Variants in RIPOR2 observed in about 807,000 individuals in gnomAD.
RIPOR2 encodes RHO family interacting cell polarization regulator 2, also known as rho family-interacting cell polarization regulator 2.
In RIPOR2, 39 loss-of-function variants were observed where a neutral mutation model predicts 114.5. The ratio of observed to expected loss-of-function variants is 0.34; its 90% CI spans 0.26 to 0.44. RIPOR2 has a LOEUF of 0.44. Among genes scored for constraint, RIPOR2 ranks in the 20% least tolerant of loss-of-function variants. RIPOR2 has a pLI of 1.00. For missense variants in RIPOR2, 1,007 were observed against 1,255.1 expected (o/e 0.80, Z 2.99); for synonymous variants, 445 against 484.4 (o/e 0.92, Z 1.07).
intron 1 of RIPOR2, among the ~76,000 whole-genome samples, chr6:24,881,345 C>T (rs933840921): frequency 2.0e-5 from 3 of 152,124 alleles, no homozygotes; most frequent in Non-Finnish European, 4.4e-5. Context: ...GACTCAAATC[C>T]TAGGCAAACA....
Position 24,973,263 on chromosome 6 carries a change from A to G in RIPOR2, c.76+68588T>C, listed in dbSNP as rs143822456. Among the ~76,000 whole-genome samples the G allele has an allele frequency of 2.4e-3, 364 of 152,274 alleles. 1 individual carries two copies. Among genetic ancestry groups the G allele is most frequent in the African/African-American group, 8.1e-3 (336 of 41,544 alleles). ...GAAGATTCTCAAAGAATGTAGAACA[A>G]CATTCGACCCAGCAATCTCATTACT... On this transcript the variant is annotated intron_variant, in intron 1 of 13. Coordinates refer to the RIPOR2 transcript ENST00000510784.
intron 1 of RIPOR2, among the ~76,000 whole-genome samples, chr6:24,984,112 C>T (rs1038244777): frequency 2.0e-5 from 3 of 152,140 alleles, no homozygotes; most frequent in Non-Finnish European, 2.9e-5. Context: ...CAGCCCTGCA[C>T]TATTTACTTC....
At chr6:25,022,815 G>A (rs1205649510) in intron 1 of RIPOR2, among the ~76,000 whole-genome samples, 1 of 151,460 alleles carries the variant, frequency 6.6e-6, no homozygotes, top group African/African-American at 2.4e-5. Context: ...CAAAGTTTTG[G>A]GATTACAAAC....
Position 24,926,539 on chromosome 6 carries a change from T to C in RIPOR2, c.61+9299A>G, listed in dbSNP as rs938734432. Among the ~76,000 whole-genome samples the C allele has an allele frequency of 6.8e-4, 103 of 152,272 alleles. 1 individual carries two copies. Among genetic ancestry groups the C allele is most frequent in the African/African-American group, 2.3e-3 (95 of 41,538 alleles). On this transcript the variant is annotated intron_variant, in intron 1 of 21. Transcript: ENST00000643898. ...TCACATGGTGGAGATCAGATAGCAA[T>C]CAGGTTTGCTAATTCATGAGCCAGA...
intron 1 of RIPOR2, among the ~76,000 whole-genome samples, chr6:24,966,372 G>C (rs1007818983): frequency 6.6e-6 from 1 of 152,112 alleles, no homozygotes; most frequent in African/African-American, 2.4e-5. Context: ...GAATAGTATT[G>C]TGTTTCATCA....
chr6:24,958,081 C>T (rs891544295), intron 1 of RIPOR2, among the ~76,000 whole-genome samples: 19 of 151,758 alleles, frequency 1.3e-4, no homozygotes, highest in African/African-American at 4.6e-4. Flanking sequence ...AAAATATACA[C>T]AAAGATGTGT....
intron 3 of RIPOR2, 126 bp from the exon 4 acceptor site, chr6:24,873,085 G>T (rs1765375822): frequency 3.1e-6 from 2 of 648,086 alleles, no homozygotes; most frequent in Admixed American, 2.6e-5. Flanking sequence ...TGGGCAGGAG[G>T]CTTTGTATTT....
intron 1 of RIPOR2, among the ~76,000 whole-genome samples, chr6:24,886,878 T>C (rs1766883046): frequency 6.6e-6 from 1 of 152,228 alleles, no homozygotes; most frequent in South Asian, 2.1e-4. Context: ...AGTTTTAGCA[T>C]CCATTGATGT....
chr6:25,026,367 A>T (rs1776623537), intron 1 of RIPOR2, among the ~76,000 whole-genome samples: 1 of 152,206 alleles, frequency 6.6e-6, no homozygotes, highest in Non-Finnish European at 1.5e-5. Context: ...GGGATTTATG[A>T]TAAGTCACAT....
chr6:24,900,690 C>T (rs1016648253), intron 1 of RIPOR2, among the ~76,000 whole-genome samples: 6 of 152,100 alleles, frequency 3.9e-5, no homozygotes, highest in Non-Finnish European at 1.5e-5. Context: ...CCCAGGAGAT[C>T]GAGGCTGCAC....
At chr6:25,006,281 G>T (rs1000812386) in intron 1 of RIPOR2, among the ~76,000 whole-genome samples, 1 of 152,108 alleles carries the variant, frequency 6.6e-6, no homozygotes, top group Non-Finnish European at 1.5e-5. Flanking sequence ...CATTAATTGA[G>T]CACCTACTAT....
chr6:24,910,866 T>C (rs1769497163), intron 1 of RIPOR2: 2 of 985,384 alleles, frequency 2.0e-6, no homozygotes, highest in Non-Finnish European at 2.4e-6. Context: ...CAGGGTTCTC[T>C]GGCATATAAA....
At chr6:24,942,894 C>T (rs1271722302) in intron 1 of RIPOR2, among the ~76,000 whole-genome samples, 3 of 152,144 alleles carry the variant, frequency 2.0e-5, no homozygotes, top group African/African-American at 7.2e-5. Flanking sequence ...GTTTCTTTTG[C>T]TGTGCAGAAG....
chr6:24,828,052 T>A, intron 18 of RIPOR2, 85 bp downstream of exon 18: 1 of 1,224,136 alleles, frequency 8.2e-7, no homozygotes, highest in Non-Finnish European at 1.1e-6. Flanking sequence ...TAAAAGGCCA[T>A]CATTGCCAAA....
At chr6:24,974,239 A>G (rs992844875) in intron 1 of RIPOR2, among the ~76,000 whole-genome samples, 1 of 152,074 alleles carries the variant, frequency 6.6e-6, no homozygotes, top group South Asian at 2.1e-4. Context: ...AAATAAGATT[A>G]GCTGGATGCG....
chr6:24,904,341 G>A (rs1174859200), intron 1 of RIPOR2, among the ~76,000 whole-genome samples: 1 of 152,084 alleles, frequency 6.6e-6, no homozygotes, highest in Non-Finnish European at 1.5e-5. Context: ...TCCTTCCCTT[G>A]TGGGTCCTTC....
At chr6:24,987,663 T>A (rs1339186466) in intron 1 of RIPOR2, among the ~76,000 whole-genome samples, 1 of 152,180 alleles carries the variant, frequency 6.6e-6, no homozygotes. Flanking sequence ...TGTGCAATGT[T>A]CACAAAACAA....
chr6:24,832,637 A>C (rs1329531602), intron 15 of RIPOR2, among the ~76,000 whole-genome samples: 1 of 152,214 alleles, frequency 6.6e-6, no homozygotes, highest in Non-Finnish European at 1.5e-5. Context: ...GTAGGTCTAC[A>C]AGGTTATTAT....
intron 8 of RIPOR2, among the ~76,000 whole-genome samples, chr6:24,855,056 A>G (rs2113801309): frequency 6.6e-6 from 1 of 151,418 alleles, no homozygotes. Flanking sequence ...GGAAGGACAC[A>G]AAACCTTACA....
Sources: gnomAD v4.1 joint callset for allele counts (sites outside exome capture counted in the v4.1 genomes callset) on GRCh38, gnomAD v4.1.1 for gene constraint, MANE v1.5 for transcripts, NCBI Gene and HGNC (gene_info 2026-07-23, HGNC 2026-07-21) for gene names.